SPATA6L: variants seen among roughly 807,000 people sequenced by gnomAD.
SPATA6L encodes the protein spermatogenesis associated 6-like protein.
Under a neutral mutation model 49.2 loss-of-function variants are expected in SPATA6L, and 68 were observed. The observed-to-expected ratio is 1.38, with a 90% CI of 1.14 to 1.69. SPATA6L has a LOEUF of 1.69. SPATA6L is among the 40% of genes most tolerant of loss of function. The probability of loss-of-function intolerance (pLI) is 0.00; values close to 1 mark genes in which losing one functional copy is unlikely to be tolerated. For missense variants in SPATA6L, 668 were observed against 464.3 expected, an observed-to-expected ratio of 1.44 and a Z score of -4.03; for synonymous variants, 198 against 165.7, an observed-to-expected ratio of 1.19 and a Z score of -1.50.
rs1467251979 is a variant in SPATA6L at position 4,662,370 on chromosome 9, G to A, written c.40-334C>T. On this transcript the variant is annotated intron_variant, in intron 1 of 11. Coordinates refer to ENST00000682582, the MANE Select transcript of SPATA6L (RefSeq NM_001353486.2). The surrounding 1 kb of genome is among the most constrained non-coding windows in gnomAD (Gnocchi z 4.9). Reference sequence around the variant, plus strand: ...CCAGGTCCCGGGATCCGGGCCGCCAGCTGCGATGCCAAGTCCCCGGAGGAG... The same window carrying A: ...CCAGGTCCCGGGATCCGGGCCGCCAACTGCGATGCCAAGTCCCCGGAGGAG... The A allele has an allele frequency of 1.3e-6, 2 of 1,503,982 alleles. No homozygotes were observed. Among genetic ancestry groups the A allele is most frequent in the Non-Finnish European group, 1.8e-6 (2 of 1,134,500 alleles). The allele number at this position is 1,503,982 out of a possible 1,614,324, so 93.2% of individuals were successfully genotyped here.
chr9:4,592,796 TAAAG>T (rs1158507425), intron 13 of SPATA6L, among the ~76,000 whole-genome samples: 1 of 152,206 alleles, frequency 6.6e-6, no homozygotes, highest in Admixed American at 6.5e-5. Flanking sequence ...AATTAATAAA[TAAAG>T]AAGGTGAGAG....
rs564905338 is a variant in SPATA6L, at chr9:4,652,029, A to G, written c.226+4012T>C. Among the ~76,000 whole-genome samples, 6 of 152,358 alleles carry G rather than the reference A, an allele frequency of 3.9e-5. No individual in the cohort carries two copies. The East Asian group carries it at 1.2e-3, about 29-fold the overall frequency. On this transcript the variant is annotated intron_variant, in intron 3 of 11. Coordinates refer to ENST00000682582, the MANE Select transcript of SPATA6L (RefSeq NM_001353486.2). ...AAAGCTGTTTCTACTTGCAGATGAC[A>G]TAATTTTGCATATAGAAAATCCTAA...
At chr9:4,611,302 A>G (rs1826650256) in intron 9 of SPATA6L, among the ~76,000 whole-genome samples, 1 of 147,676 alleles carries the variant, frequency 6.8e-6, no homozygotes, top group Admixed American at 6.6e-5. Context: ...TACTGGGTAT[A>G]TACCCAAAGG....
intron 3 of SPATA6L, among the ~76,000 whole-genome samples, chr9:4,646,761 G>A (rs757418363): frequency 6.1e-4 from 93 of 152,186 alleles, no homozygotes; most frequent in South Asian, 2.7e-3. Context: ...CCATAAAAAA[G>A]AACAAGCGTT....
chr9:4,597,171 G>A (rs1001860534), downstream of SPATA6L, among the ~76,000 whole-genome samples: 8 of 152,236 alleles, frequency 5.3e-5, no homozygotes, highest in South Asian at 4.2e-4. Flanking sequence ...CCAGGTACTC[G>A]GAGGGGCGCA....
At chr9:4,649,245 G>C (rs1836249461) in intron 3 of SPATA6L, among the ~76,000 whole-genome samples, 1 of 152,156 alleles carries the variant, frequency 6.6e-6, no homozygotes, top group African/African-American at 2.4e-5. Context: ...AGATACCCTA[G>C]CAGTGGGATT....
At position 4,600,651 on chromosome 9, in the gene SPATA6L, AC is replaced by A. The variant is rs1029046472; in HGVS notation, c.*159del. 3 of 152,188 alleles carry A rather than the reference AC, an allele frequency of 2.0e-5. No homozygotes were observed. Among genetic ancestry groups the A allele is most frequent in the African/African-American group, 7.2e-5 (3 of 41,454 alleles). The allele number at this position is 152,188 out of a possible 1,614,324, so 9.4% of individuals were successfully genotyped here. ...GCAAACACTTTAATCAACAACTCTT[AC>A]CTGGGCACAAAAGACTGAGTACAGG... On this transcript the variant is annotated 3_prime_UTR_variant, in exon 12 of 12. Coordinates refer to ENST00000682582, the MANE Select transcript of SPATA6L (RefSeq NM_001353486.2).
intron 4 of SPATA6L, among the ~76,000 whole-genome samples, chr9:4,634,861 T>C (rs933494524): frequency 1.6e-4 from 24 of 152,200 alleles, no homozygotes; most frequent in African/African-American, 5.3e-4. Flanking sequence ...CTTTGTTAAA[T>C]GGAGACCATA....
At chr9:4,648,608 G>A (rs903607865) in intron 3 of SPATA6L, among the ~76,000 whole-genome samples, 2 of 151,802 alleles carry the variant, frequency 1.3e-5, no homozygotes, top group East Asian at 1.9e-4. Flanking sequence ...GCTGAGGCAG[G>A]AGAATGGCGT....
downstream of SPATA6L, among the ~76,000 whole-genome samples, chr9:4,594,651 C>T (rs1264201760): frequency 1.3e-5 from 2 of 152,156 alleles, no homozygotes; most frequent in African/African-American, 2.4e-5. Context: ...AATCCGTCTG[C>T]TCTGGGATTC....
At chr9:4,661,804 G>T (rs1361818590) in intron 2 of SPATA6L, 95 bp downstream of exon 2, 1 of 1,391,130 alleles carries the variant, frequency 7.2e-7, no homozygotes, top group Non-Finnish European at 9.6e-7. Flanking sequence ...TTTTAAAAAT[G>T]AAATTTACCA....
chr9:4,658,703 C>T (rs1838876373), intron 2 of SPATA6L, among the ~76,000 whole-genome samples: 2 of 152,078 alleles, frequency 1.3e-5, no homozygotes, highest in South Asian at 4.1e-4. Flanking sequence ...TTTTTAAAGA[C>T]TTTTACAGGC....
At chr9:4,650,196 T>G (rs1836473824) in intron 3 of SPATA6L, among the ~76,000 whole-genome samples, 1 of 152,212 alleles carries the variant, frequency 6.6e-6, no homozygotes, top group South Asian at 2.1e-4. Context: ...TATGCCAGCC[T>G]GAGACCTAGC....
At chr9:4,649,474 C>T (rs1191288111) in intron 3 of SPATA6L, among the ~76,000 whole-genome samples, 1 of 152,186 alleles carries the variant, frequency 6.6e-6, no homozygotes, top group Non-Finnish European at 1.5e-5. Flanking sequence ...GAGTCCAATG[C>T]AATGGCTATC....
intron 7 of SPATA6L, among the ~76,000 whole-genome samples, chr9:4,620,887 A>G (rs1354062186): frequency 6.6e-6 from 1 of 152,210 alleles, no homozygotes; most frequent in East Asian, 1.9e-4. Context: ...ATGCTGCTTT[A>G]TAAGCTACAC....
At chr9:4,613,407 T>G (rs1161626966) in intron 9 of SPATA6L, among the ~76,000 whole-genome samples, 1 of 151,964 alleles carries the variant, frequency 6.6e-6, no homozygotes, top group Non-Finnish European at 1.5e-5. Flanking sequence ...AGGCCTCCAC[T>G]CCAGCTCTCT....
chr9:4,651,653 G>A (rs1024071085), intron 3 of SPATA6L, among the ~76,000 whole-genome samples: 1 of 151,554 alleles, frequency 6.6e-6, no homozygotes, highest in East Asian at 1.9e-4. Context: ...CATAAGGTTG[G>A]TTTAATATCT....
intron 2 of SPATA6L, among the ~76,000 whole-genome samples, chr9:4,656,909 A>C (rs1838390286): frequency 6.6e-6 from 1 of 151,030 alleles, no homozygotes; most frequent in South Asian, 2.1e-4. Flanking sequence ...TATGCGTAAC[A>C]CAAAACAAAA....
At chr9:4,637,682 G>C (rs1017225516) in intron 3 of SPATA6L, among the ~76,000 whole-genome samples, 1 of 152,100 alleles carries the variant, frequency 6.6e-6, no homozygotes, top group African/African-American at 2.4e-5. Flanking sequence ...ATGATGTTCT[G>C]AGATGAGTGG....
Sources: gnomAD v4.1 joint callset for allele counts (sites outside exome capture counted in the v4.1 genomes callset) on GRCh38, gnomAD v4.1.1 for gene constraint, Gnocchi (gnomAD v3.1) non-coding constraint, MANE v1.5 for transcripts, NCBI Gene and HGNC (gene_info 2026-07-23, HGNC 2026-07-21) for gene names.